The following RASAL2 variants were observed in gnomAD, a reference collection of about 807,000 sequenced individuals.
The protein encoded by RASAL2 is RAS protein activator like 2.
RASAL2 carries 58 observed loss-of-function variants against 128.9 expected under a neutral mutation model. The ratio of observed to expected loss-of-function variants is 0.45; its 90% CI spans 0.36 to 0.56. The LOEUF (loss-of-function observed/expected upper bound fraction) is 0.56. Among genes scored for constraint, RASAL2 ranks in the 20% least tolerant of loss-of-function variants. RASAL2 has a pLI of 0.00. For synonymous variants in RASAL2, 561 were observed against 580.8 expected (o/e 0.97, Z 0.49); for missense variants, 1,360 against 1,601.6 (o/e 0.85, Z 2.57).
chr1:178,350,806 T>G (rs2102437548), intron 3 of RASAL2, among the ~76,000 whole-genome samples: 1 of 152,296 alleles, frequency 6.6e-6, no homozygotes, highest in East Asian at 1.9e-4. Flanking sequence ...GCGCTTACTT[T>G]TTCAAAGCCA....
intron 1 of RASAL2, among the ~76,000 whole-genome samples, chr1:178,201,052 G>A (rs919339703): frequency 1.3e-5 from 2 of 152,140 alleles, no homozygotes; most frequent in Non-Finnish European, 1.5e-5. Flanking sequence ...TTCAGAGTGT[G>A]ACCCACAAGG....
chr1:178,264,394 C>A (rs1665845297), intron 1 of RASAL2, among the ~76,000 whole-genome samples: 1 of 152,084 alleles, frequency 6.6e-6, no homozygotes, highest in South Asian at 2.1e-4. Context: ...TTTGGAATTG[C>A]CTTCTACTTG....
intron 1 of RASAL2, among the ~76,000 whole-genome samples, chr1:178,124,637 T>G (rs1659833347): frequency 6.6e-6 from 1 of 152,212 alleles, no homozygotes; most frequent in Non-Finnish European, 1.5e-5. Context: ...TGCAAAGATA[T>G]TTTGATTAAA....
chr1:178,131,607 G>A (rs938228794), intron 1 of RASAL2, among the ~76,000 whole-genome samples: 1 of 152,030 alleles, frequency 6.6e-6, no homozygotes, highest in African/African-American at 2.4e-5. Flanking sequence ...TTGCAAGGTG[G>A]TGGTGGTTTT....
At chr1:178,430,513 T>C (rs1675814265) in intron 5 of RASAL2, among the ~76,000 whole-genome samples, 1 of 152,122 alleles carries the variant, frequency 6.6e-6, no homozygotes, top group Non-Finnish European at 1.5e-5. Context: ...ATGAATAATT[T>C]ACATAAAATG....
At position 178,371,322 on chromosome 1, in the gene RASAL2, C is replaced by CCACACACACACACACACACACACACA. The variant is rs370972772; in HGVS notation, c.458-18773_458-18748dup. On this transcript the variant is annotated intron_variant, in intron 3 of 17. Transcript: ENST00000367649. ...TTCTTTCAGATTTCAGCCTTCTTTC[C>CCACACACACACACACACACACACACA]CACACACACACACACACACACACAC... Among the ~76,000 whole-genome samples, 64 of 124,472 alleles carry CCACACACACACACACACACACACACA rather than the reference C, an allele frequency of 5.1e-4. 2 individuals are homozygous for CCACACACACACACACACACACACACA. Among genetic ancestry groups the CCACACACACACACACACACACACACA allele is most frequent in the African/African-American group, 1.7e-3 (61 of 35,994 alleles). 81.7% of individuals were successfully genotyped at this position (124,472 alleles called of 152,430 possible). A position where few individuals can be genotyped will look rare whatever the true frequency, so the allele number is the denominator to read the frequency against.
intron 4 of RASAL2, among the ~76,000 whole-genome samples, chr1:178,416,041 T>G (rs1322744336): frequency 6.6e-6 from 1 of 152,120 alleles, no homozygotes; most frequent in African/African-American, 2.4e-5. Context: ...GTATTTAGAC[T>G]ATTGACGTTC....
chr1:178,272,928 C>T (rs543239389), intron 1 of RASAL2, among the ~76,000 whole-genome samples: 2 of 150,164 alleles, frequency 1.3e-5, no homozygotes, highest in South Asian at 2.1e-4. Flanking sequence ...TGAGATTCCA[C>T]CTTAAAAAAA....
At chr1:178,114,552 C>T (rs1329012111) in intron 1 of RASAL2, among the ~76,000 whole-genome samples, 11 of 149,750 alleles carry the variant, frequency 7.3e-5, no homozygotes, top group Admixed American at 2.0e-4. Context: ...GATGGAGTCT[C>T]GCTCTTTTGC....
At chr1:178,186,490 G>A (rs1473856442) in intron 1 of RASAL2, among the ~76,000 whole-genome samples, 2 of 152,142 alleles carry the variant, frequency 1.3e-5, no homozygotes, top group African/African-American at 2.4e-5. Flanking sequence ...CATTTTTGAA[G>A]GGTATGGTAT....
chr1:178,399,732 T>G (rs80354373), intron 4 of RASAL2, among the ~76,000 whole-genome samples: 1 of 152,186 alleles, frequency 6.6e-6, no homozygotes, highest in African/African-American at 2.4e-5. Flanking sequence ...TGACATTGTC[T>G]TCCTGCTTTT....
chr1:178,098,436 G>A (rs1658773433), intron 1 of RASAL2, among the ~76,000 whole-genome samples: 4 of 152,324 alleles, frequency 2.6e-5, no homozygotes, highest in East Asian at 1.9e-4. Flanking sequence ...GCAGCATAGC[G>A]AAAGGAAACG....
At chr1:178,424,664 G>A (rs1572050258) in intron 5 of RASAL2, among the ~76,000 whole-genome samples, 1 of 151,990 alleles carries the variant, frequency 6.6e-6, no homozygotes, top group East Asian at 1.9e-4. Context: ...ATTTTGTCAT[G>A]TTCCCTAGGC....
At chr1:178,374,182 A>T (rs972085503) in intron 3 of RASAL2, among the ~76,000 whole-genome samples, 1 of 152,148 alleles carries the variant, frequency 6.6e-6, no homozygotes, top group African/African-American at 2.4e-5. Context: ...GCTCCTCCAC[A>T]GGAATGAGGA....
intron 1 of RASAL2, among the ~76,000 whole-genome samples, chr1:178,220,881 A>G (rs1180394364): frequency 6.6e-6 from 1 of 152,254 alleles, no homozygotes; most frequent in Non-Finnish European, 1.5e-5. Context: ...TGCTATAAAC[A>G]TTCATGTGGA....
intron 1 of RASAL2, among the ~76,000 whole-genome samples, chr1:178,188,736 A>AT (rs1247691899): frequency 6.6e-6 from 1 of 152,170 alleles, no homozygotes; most frequent in African/African-American, 2.4e-5. Context: ...CTAATTCAAC[A>AT]TTTATTGAAT....
intron 3 of RASAL2, among the ~76,000 whole-genome samples, chr1:178,327,011 G>A (rs1220460762): frequency 6.6e-6 from 1 of 152,072 alleles, no homozygotes; most frequent in Non-Finnish European, 1.5e-5. Context: ...ATATTGAAAG[G>A]CTCTTAATAA....
chr1:178,387,515 C>A (rs1672649889), intron 3 of RASAL2, among the ~76,000 whole-genome samples: 1 of 152,014 alleles, frequency 6.6e-6, no homozygotes, highest in Non-Finnish European at 1.5e-5. Flanking sequence ...CTAATGTTAT[C>A]CTTCCCCCCT....
chr1:178,402,655 A>G (rs575207571), intron 4 of RASAL2, among the ~76,000 whole-genome samples: 1 of 152,240 alleles, frequency 6.6e-6, no homozygotes, highest in African/African-American at 2.4e-5. Flanking sequence ...GAGTAATTAC[A>G]TTGTTTCACA....
Sources: allele counts gnomAD v4.1 joint callset (sites outside exome capture counted in the v4.1 genomes callset), GRCh38; gene constraint gnomAD v4.1.1; transcripts MANE v1.5; gene names NCBI Gene and HGNC (gene_info 2026-07-23, HGNC 2026-07-21).